The following RGS21 variants were observed in gnomAD, a reference collection of about 807,000 sequenced individuals.
The protein encoded by RGS21 is regulator of G protein signaling 21, also known as regulator of G-protein signalling 21.
RGS21 carries 19 observed loss-of-function variants against 18.7 expected under a neutral mutation model. That is an observed-to-expected ratio of 1.01 (90% CI 0.71 to 1.49). The LOEUF (loss-of-function observed/expected upper bound fraction) is 1.49. Among genes scored for constraint, RGS21 ranks in the 40% most tolerant of loss-of-function variants. The pLI is 0.00. For synonymous variants in RGS21, 56 were observed against 57.8 expected (o/e 0.97, Z 0.14); for missense variants, 194 against 176.8 (o/e 1.10, Z -0.55).
At chr1:192,325,051 T>C (rs1658548888) in intron 1 of RGS21, among the ~76,000 whole-genome samples, 1 of 152,094 alleles carries the variant, frequency 6.6e-6, no homozygotes, top group South Asian at 2.1e-4. Context: ...CTTATTTTAG[T>C]TTTGTTTTTC....
intron 2 of RGS21, among the ~76,000 whole-genome samples, chr1:192,346,884 A>G (rs1373312384): frequency 6.6e-6 from 1 of 152,120 alleles, no homozygotes; most frequent in Non-Finnish European, 1.5e-5. Flanking sequence ...CTCTTTTGAG[A>G]TGCATAATTA....
At chr1:192,345,788 A>G (rs1253712065) in intron 2 of RGS21, among the ~76,000 whole-genome samples, 2 of 152,076 alleles carry the variant, frequency 1.3e-5, no homozygotes, top group Admixed American at 1.3e-4. Flanking sequence ...AAACAGGAAT[A>G]TTTTTAAGCA....
At chr1:192,337,099 A>T (rs1658778329) in intron 1 of RGS21, among the ~76,000 whole-genome samples, 1 of 152,138 alleles carries the variant, frequency 6.6e-6, no homozygotes, top group African/African-American at 2.4e-5. Flanking sequence ...ACGATCTTGT[A>T]TGCTATACTT....
Position 192,347,495 on chromosome 1 carries a change from A to G in RGS21, c.88+106A>G, listed in dbSNP as rs1193192371. On this transcript the variant is annotated intron_variant, in intron 3 of 4. Coordinates refer to ENST00000417209, the MANE Select transcript of RGS21 (RefSeq NM_001039152.3). ...AAAGTATGAGTTTAATCAATGAAGT[A>G]TAAAATTATTAATAATCATAAATTC... is the stretch of plus-strand genomic sequence containing the variant. 5.1e-6 allele frequency: 3 copies of G among 585,930 alleles called. No homozygotes were observed. The Admixed American group carries it at 8.7e-5, about 17-fold the overall frequency. The allele number at this position is 585,930 out of a possible 1,614,324, so 36.3% of individuals were successfully genotyped here. A position where few individuals can be genotyped will look rare whatever the true frequency, so the allele number is the denominator to read the frequency against.
intron 1 of RGS21, among the ~76,000 whole-genome samples, chr1:192,335,670 G>A (rs995856705): frequency 6.6e-6 from 1 of 152,142 alleles, no homozygotes; most frequent in Non-Finnish European, 1.5e-5. Flanking sequence ...TGCTACCAAC[G>A]GAAGGTTATT....
rs556390269 is a variant in RGS21, at chr1:192,365,114, C to T, written c.256-807C>T. On this transcript the variant is annotated intron_variant, in intron 4 of 4. Coordinates refer to ENST00000417209, the MANE Select transcript of RGS21 (RefSeq NM_001039152.3). ...TTGTGCCATTGCACTCCAGCCTGGGCGACAAGAGCAAAAGTGCGTCTCAAA... is the reference window on the plus strand; with the variant it reads ...TTGTGCCATTGCACTCCAGCCTGGGTGACAAGAGCAAAAGTGCGTCTCAAA... 1.2e-3 allele frequency among the ~76,000 whole-genome samples: 180 copies of T among 147,476 alleles called. 1 individual carries two copies. The highest frequency in any genetic ancestry group is 4.4e-3 in the African/African-American group (175 of 39,750).
intron 1 of RGS21, among the ~76,000 whole-genome samples, chr1:192,336,008 T>C (rs1658760864): frequency 6.6e-6 from 1 of 152,252 alleles, no homozygotes; most frequent in Non-Finnish European, 1.5e-5. Flanking sequence ...ATATTTGTTG[T>C]AATAGCATCC....
intron 1 of RGS21, among the ~76,000 whole-genome samples, chr1:192,331,353 AC>A (rs1658645648): frequency 6.6e-6 from 1 of 152,118 alleles, no homozygotes; most frequent in African/African-American, 2.4e-5. Context: ...GGAGATCGAG[AC>A]CAACCTGGCC....
chr1:192,351,785 AAC>A (rs1659045515), intron 3 of RGS21, among the ~76,000 whole-genome samples: 3 of 147,768 alleles, frequency 2.0e-5, no homozygotes, highest in South Asian at 2.1e-4. Flanking sequence ...TAATATATAT[AAC>A]ACATATATAG....
chr1:192,318,664 G>C (rs897441344), intron 1 of RGS21, among the ~76,000 whole-genome samples: 1 of 152,010 alleles, frequency 6.6e-6, no homozygotes, highest in African/African-American at 2.4e-5. Context: ...AGCCATTCTA[G>C]TACTTAAAAT....
At chr1:192,352,348 G>A in intron 4 of RGS21, 135 bp downstream of exon 4, 2 of 559,368 alleles carry the variant, frequency 3.6e-6, no homozygotes, top group Non-Finnish European at 5.7e-6. Flanking sequence ...TAGATTCCAA[G>A]AGAAATTCCT....
intron 1 of RGS21, among the ~76,000 whole-genome samples, chr1:192,327,646 T>A (rs1487140630): frequency 6.6e-6 from 1 of 151,980 alleles, no homozygotes; most frequent in Admixed American, 6.6e-5. Flanking sequence ...CTAATTTTTG[T>A]ATTTTTAGTA....
At chr1:192,335,058 G>T (rs967284911) in intron 1 of RGS21, among the ~76,000 whole-genome samples, 10 of 152,080 alleles carry the variant, frequency 6.6e-5, no homozygotes, top group African/African-American at 2.4e-4. Context: ...CCTGTTCATT[G>T]TATTATTCTC....
chr1:192,323,656 C>A (rs573899034), intron 1 of RGS21, among the ~76,000 whole-genome samples: 1 of 151,992 alleles, frequency 6.6e-6, no homozygotes, highest in African/African-American at 2.4e-5. Context: ...GATGCTTAGA[C>A]GCTTATGGAG....
At chr1:192,353,206 T>C (rs371674920) in intron 4 of RGS21, among the ~76,000 whole-genome samples, 1 of 152,036 alleles carries the variant, frequency 6.6e-6, no homozygotes, top group African/African-American at 2.4e-5. Flanking sequence ...TTTCAGAAAA[T>C]ATGAGACATA....
intron 3 of RGS21, among the ~76,000 whole-genome samples, chr1:192,350,255 CT>C: frequency 6.6e-6 from 1 of 152,282 alleles, no homozygotes; most frequent in East Asian, 1.9e-4. Context: ...TTTCAAATAA[CT>C]TTAAAAAAAT....
intron 1 of RGS21, among the ~76,000 whole-genome samples, chr1:192,318,577 G>C (rs1658451084): frequency 6.6e-6 from 1 of 152,076 alleles, no homozygotes; most frequent in South Asian, 2.1e-4. Flanking sequence ...ATCTAAAGGA[G>C]AAATTCCTAG....
intron 3 of RGS21, among the ~76,000 whole-genome samples, chr1:192,348,080 T>C (rs969150886): frequency 6.7e-6 from 1 of 149,814 alleles, no homozygotes; most frequent in African/African-American, 2.5e-5. Flanking sequence ...GTGTAGAGTG[T>C]AGTGGTGTGA....
intron 1 of RGS21, among the ~76,000 whole-genome samples, chr1:192,324,474 T>C (rs1300416603): frequency 6.6e-6 from 1 of 152,132 alleles, no homozygotes; most frequent in Non-Finnish European, 1.5e-5. Context: ...ATATGACTTC[T>C]TGTTCCCTTA....
Sources: gnomAD v4.1 joint callset for allele counts (sites outside exome capture counted in the v4.1 genomes callset) on GRCh38, gnomAD v4.1.1 for gene constraint, MANE v1.5 for transcripts, NCBI Gene and HGNC (gene_info 2026-07-23, HGNC 2026-07-21) for gene names.